SDCBP: variants seen among roughly 807,000 people sequenced by gnomAD.
The protein encoded by SDCBP is syntenin-1.
SDCBP carries 22 observed loss-of-function variants against 30.5 expected under a neutral mutation model. The ratio of observed to expected loss-of-function variants is 0.72; its 90% CI spans 0.52 to 1.03. The LOEUF is 1.03. SDCBP is among the 50% of genes least tolerant of loss of function. The pLI is 0.00. For synonymous variants in SDCBP, 103 were observed against 118.7 expected, an observed-to-expected ratio of 0.87 and a Z score of 0.86; for missense variants, 304 against 369.9, an observed-to-expected ratio of 0.82 and a Z score of 1.46.
At chr8:58,559,103 T>A (rs1433274955) in intron 1 of SDCBP, among the ~76,000 whole-genome samples, 1 of 152,234 alleles carries the variant, frequency 6.6e-6, no homozygotes, top group East Asian at 1.9e-4. Flanking sequence ...AAGTCCATTT[T>A]TCTTCTAGGC....
intron 1 of SDCBP, among the ~76,000 whole-genome samples, chr8:58,560,058 G>C (rs1211916296): frequency 1.3e-5 from 2 of 152,068 alleles, no homozygotes; most frequent in Non-Finnish European, 2.9e-5. Context: ...CCAGGTTGCG[G>C]GGTCATTGAA....
chr8:58,574,385 A>G (rs1424341540), intron 4 of SDCBP, among the ~76,000 whole-genome samples: 1 of 152,226 alleles, frequency 6.6e-6, no homozygotes, highest in Non-Finnish European at 1.5e-5. Context: ...ACAAAGAAGA[A>G]CAGAGTCATA....
intron 8 of SDCBP, 83 bp from the exon 9 acceptor site, chr8:58,581,603 T>C: frequency 4.0e-6 from 4 of 990,526 alleles, no homozygotes; most frequent in Middle Eastern, 4.2e-4. Context: ...TAAATTGGAA[T>C]TGGGAATTTT....
At chr8:58,569,260 ACATGACAACAT>A (rs1804886796) in intron 2 of SDCBP, among the ~76,000 whole-genome samples, 1 of 152,192 alleles carries the variant, frequency 6.6e-6, no homozygotes, top group Non-Finnish European at 1.5e-5. Context: ...GCCATGACAA[ACATGACAACAT>A]GCCATGTTGG....
chr8:58,565,144 G>A, intron 2 of SDCBP, 60 bp downstream of exon 2: 1 of 812,002 alleles, frequency 1.2e-6, no homozygotes, highest in Admixed American at 2.6e-5. Context: ...CTACTTATAG[G>A]TGAAATAAAG....
intron 6 of SDCBP, among the ~76,000 whole-genome samples, chr8:58,579,386 T>C (rs1805544308): frequency 6.6e-6 from 1 of 152,196 alleles, no homozygotes; most frequent in African/African-American, 2.4e-5. Context: ...AGTTGTCTTT[T>C]ATACTTAAAG....
At chr8:58,574,334 A>G (rs2129608126) in intron 4 of SDCBP, among the ~76,000 whole-genome samples, 1 of 152,354 alleles carries the variant, frequency 6.6e-6, no homozygotes, top group African/African-American at 2.4e-5. Context: ...GTATAGAGGA[A>G]CAGAAAGATT....
intron 2 of SDCBP, among the ~76,000 whole-genome samples, chr8:58,570,489 A>G (rs1804953235): frequency 6.6e-6 from 1 of 151,622 alleles, no homozygotes; most frequent in Non-Finnish European, 1.5e-5. Context: ...CTTTTATATG[A>G]ATATGGGTAA....
chr8:58,581,844 T>C lies in SDCBP; in HGVS notation c.*104T>C. On this transcript the variant is annotated 3_prime_UTR_variant, in exon 9 of 9. Coordinates refer to ENST00000260130, the MANE Select transcript of SDCBP (RefSeq NM_005625.4). ...CTTCCCGGAGCCAGCGAGCATATGCTGCATGAGGACCTTTCTATCTTACAT... is the reference window on the plus strand; with the variant it reads ...CTTCCCGGAGCCAGCGAGCATATGCCGCATGAGGACCTTTCTATCTTACAT... 1 of 860,152 alleles carries C rather than the reference T, an allele frequency of 1.2e-6. No individual in the cohort carries two copies. 53.3% of individuals were successfully genotyped at this position (860,152 alleles called of 1,614,324 possible).
Position 58,578,093 on chromosome 8 carries a change from G to A in SDCBP, c.463G>A (p.Gly155Arg). The change falls in exon 6 of 9, where the codon GGG (glycine) becomes AGG (arginine). Residue 155 changes from glycine to arginine, a missense_variant. Gly to Arg is a moderately radical substitution (Grantham distance 125, BLOSUM62 -2). Coordinates refer to ENST00000260130, the MANE Select transcript of SDCBP (RefSeq NM_005625.4). ...AGCCTCATTGGTTGGTCTGAGATTT[G>A]GGGACCAAGTACTTCAGATCAATGG... ...SPASLVGLRFGDQVLQINGEN... is the reference protein window; with the variant it reads ...SPASLVGLRFRDQVLQINGEN... The A allele has an allele frequency of 1.2e-6, 2 of 1,613,670 alleles. No individual in the cohort carries two copies. The highest frequency in any genetic ancestry group is 1.7e-6 in the Non-Finnish European group (2 of 1,179,658).
At chr8:58,577,536 T>A (rs148180928) in intron 5 of SDCBP, among the ~76,000 whole-genome samples, 1,616 of 152,336 alleles carry the variant, frequency 0.011, 28 homozygotes, top group African/African-American at 0.036. Flanking sequence ...AGCAAATGGG[T>A]AAAGGAATGC....
At chr8:58,578,443 G>A (rs988610729) in intron 6 of SDCBP, 7 of 332,604 alleles carry the variant, frequency 2.1e-5, no homozygotes, top group Admixed American at 1.3e-4. Flanking sequence ...AATAGAAAAC[G>A]TATGTTGGAG....
chr8:58,564,530 TAC>T (rs1804602316), intron 1 of SDCBP, among the ~76,000 whole-genome samples: 2 of 152,244 alleles, frequency 1.3e-5, no homozygotes, highest in South Asian at 4.1e-4. Context: ...TTCTTCTGTA[TAC>T]ATATATGTGT....
chr8:58,563,814 T>G (rs780433098), intron 1 of SDCBP, among the ~76,000 whole-genome samples: 3 of 152,188 alleles, frequency 2.0e-5, no homozygotes, highest in South Asian at 2.1e-4. Flanking sequence ...AGGGGACAGA[T>G]GTCACTGGCA....
At chr8:58,580,179 CT>C (rs1201063698) in intron 7 of SDCBP, among the ~76,000 whole-genome samples, 13 of 152,046 alleles carry the variant, frequency 8.6e-5, no homozygotes, top group African/African-American at 3.1e-4. Flanking sequence ...ATAAGTCTGT[CT>C]TAAGGTCAAA....
chr8:58,568,647 T>C (rs1275999234), intron 2 of SDCBP, among the ~76,000 whole-genome samples: 1 of 152,164 alleles, frequency 6.6e-6, no homozygotes, highest in African/African-American at 2.4e-5. Flanking sequence ...CACCACAAAG[T>C]AATGAGTTGT....
At chr8:58,554,470 G>A (rs767310602) in intron 1 of SDCBP, among the ~76,000 whole-genome samples, 7 of 152,108 alleles carry the variant, frequency 4.6e-5, no homozygotes, top group Non-Finnish European at 1.0e-4. Flanking sequence ...TATAAATCTA[G>A]TGGTTTGTGG....
At chr8:58,566,614 C>G (rs1035736387) in intron 2 of SDCBP, among the ~76,000 whole-genome samples, 1 of 152,098 alleles carries the variant, frequency 6.6e-6, no homozygotes, top group Non-Finnish European at 1.5e-5. Flanking sequence ...CTTTTATTAC[C>G]CCTGAATTTA....
intron 6 of SDCBP, 23 bp from the exon 7 acceptor site, chr8:58,579,599 TA>T: frequency 6.7e-7 from 1 of 1,482,884 alleles, no homozygotes; most frequent in South Asian, 1.4e-5. Flanking sequence ...ATTAAGTTTT[TA>T]ATTGAACCAA....
Sources: gnomAD v4.1 joint callset for allele counts (sites outside exome capture counted in the v4.1 genomes callset) on GRCh38, gnomAD v4.1.1 for gene constraint, MANE v1.5 for transcripts, NCBI Gene and HGNC (gene_info 2026-07-23, HGNC 2026-07-21) for gene names.